The following NMBR variants were observed in gnomAD, a reference collection of about 807,000 sequenced individuals.
The protein encoded by NMBR is neuromedin B receptor.
A neutral mutation model predicts 20.5 loss-of-function variants in NMBR; 16 were observed. The observed-to-expected ratio is 0.78, with a 90% CI of 0.53 to 1.19. NMBR has a LOEUF of 1.19. Among genes scored for constraint, NMBR ranks in the 50% most tolerant of loss-of-function variants. The pLI is 0.00. For missense variants in NMBR, 582 were observed against 499.1 expected, an observed-to-expected ratio of 1.17 and a Z score of -1.58; for synonymous variants, 212 against 196.6, an observed-to-expected ratio of 1.08 and a Z score of -0.65.
At chr6:142,109,953 C>T (rs918791263) in intron 1 of NMBR, among the ~76,000 whole-genome samples, 8 of 152,108 alleles carry the variant, frequency 5.3e-5, no homozygotes, top group South Asian at 4.1e-4. Context: ...ACTTCCCAGA[C>T]TTCAGAACTG....
chr6:142,088,130 A>C, intron 2 of NMBR, 107 bp downstream of exon 2: 2 of 1,149,996 alleles, frequency 1.7e-6, no homozygotes, highest in East Asian at 5.1e-5. Flanking sequence ...CTCCACACCC[A>C]ACCTTTCCTT....
intron 1 of NMBR, among the ~76,000 whole-genome samples, chr6:142,135,844 C>T (rs1164192478): frequency 5.9e-5 from 9 of 151,804 alleles, no homozygotes; most frequent in African/African-American, 1.9e-4. Context: ...TTTATGGCTG[C>T]ATAGTATTCC....
chr6:142,096,743 C>T (rs1379622487), intron 1 of NMBR, among the ~76,000 whole-genome samples: 2 of 151,920 alleles, frequency 1.3e-5, no homozygotes, highest in Admixed American at 1.3e-4. Context: ...CTTTCTGTCT[C>T]GTTGATCTGT....
At chr6:142,134,241 G>T (rs954716900) in intron 1 of NMBR, among the ~76,000 whole-genome samples, 3 of 151,932 alleles carry the variant, frequency 2.0e-5, no homozygotes, top group Admixed American at 2.0e-4. Context: ...ATCTACTAAT[G>T]TTATCATTAT....
At chr6:142,085,103 TCTC>T (rs1777174236) in intron 2 of NMBR, among the ~76,000 whole-genome samples, 2 of 152,136 alleles carry the variant, frequency 1.3e-5, no homozygotes, top group Admixed American at 1.3e-4. Flanking sequence ...ATGCACTGTC[TCTC>T]CTCCAGCCAT....
rs1776937622 is a variant in NMBR at position 142,075,988 on chromosome 6, C to T, written c.833G>A (p.Cys278Tyr). The T allele has an allele frequency of 6.2e-7, 1 of 1,612,004 alleles. No homozygotes were observed. The highest frequency in any genetic ancestry group is 8.5e-7 in the Non-Finnish European group (1 of 1,179,336). ...VLVFVGCFIF[C>Y]WFPNHILYMY... ...GTAAAGGATGTGGTTTGGAAACCAA[C>T]AGAAGATGAAACAGCCCACAAAGAC... Residue 278 changes from cysteine (C) to tyrosine (Y), a missense_variant, in exon 4 of 4, where the codon TGT (cysteine) becomes TAT (tyrosine). Cys to Tyr is a radical substitution (Grantham distance 194). Coordinates refer to ENST00000258042, the MANE Select transcript of NMBR (RefSeq NM_002511.4).
intron 1 of NMBR, 32 bp downstream of exon 1, chr6:142,147,012 A>T: frequency 2.3e-6 from 1 of 427,482 alleles, no homozygotes; most frequent in South Asian, 4.7e-5. Context: ...CCAAACAAAA[A>T]AGCAAAACAA....
At chr6:142,142,259 G>T (rs1269437625) in intron 1 of NMBR, among the ~76,000 whole-genome samples, 1 of 152,176 alleles carries the variant, frequency 6.6e-6, no homozygotes, top group African/African-American at 2.4e-5. Flanking sequence ...TCCACTAAAT[G>T]TTTAAGGAAG....
intron 1 of NMBR, among the ~76,000 whole-genome samples, chr6:142,122,980 T>C (rs1777971378): frequency 6.6e-6 from 1 of 151,906 alleles, no homozygotes; most frequent in East Asian, 1.9e-4. Context: ...AAAGGAGTAA[T>C]TTCAACTTTT....
intron 1 of NMBR, among the ~76,000 whole-genome samples, chr6:142,096,387 T>C (rs1028180443): frequency 1.3e-5 from 2 of 152,238 alleles, no homozygotes; most frequent in Non-Finnish European, 1.5e-5. Flanking sequence ...AACATCTTTA[T>C]TTCTGCCTTC....
chr6:142,079,996 C>A (rs1222682920), intron 2 of NMBR, among the ~76,000 whole-genome samples: 1 of 152,094 alleles, frequency 6.6e-6, no homozygotes, highest in Non-Finnish European at 1.5e-5. Flanking sequence ...TTTTATATTT[C>A]TCTTTAAAGT....
chr6:142,092,379 A>G (rs1199911587), intron 1 of NMBR, among the ~76,000 whole-genome samples: 1 of 152,158 alleles, frequency 6.6e-6, no homozygotes, highest in Non-Finnish European at 1.5e-5. Context: ...CAGAGTCTCT[A>G]TGTAATACTA....
rs545431070 is a variant in NMBR, at chr6:142,074,779, T to C, written c.*869A>G. ...TTAGCAATGTATACTAAGATGGCCA[T>C]GCAAACTTGTGAGTTGTAGCTTTGC... On this transcript the variant is annotated 3_prime_UTR_variant, in exon 4 of 4. Coordinates refer to ENST00000258042, the MANE Select transcript of NMBR (RefSeq NM_002511.4). 6.6e-6 allele frequency among the ~76,000 whole-genome samples: 1 copy of C among 152,276 alleles called. No homozygotes were observed. The highest frequency in any genetic ancestry group is 2.1e-4 in the South Asian group (1 of 4,826).
At chr6:142,129,140 C>T (rs225601) in intron 1 of NMBR, among the ~76,000 whole-genome samples, 58,345 of 150,444 alleles carry the variant, frequency 0.39, 11,946 homozygotes, top group Middle Eastern at 0.53. Flanking sequence ...GTCTTAAATG[C>T]TTTTAATCTC....
chr6:142,095,206 A>C (rs1055624116), intron 1 of NMBR, among the ~76,000 whole-genome samples: 20 of 152,066 alleles, frequency 1.3e-4, no homozygotes, highest in African/African-American at 4.8e-4. Context: ...AGGAGTGGTG[A>C]GAGAGGGCAT....
At chr6:142,126,250 C>CCTCTCTCTCTCTCT (rs145085633) in intron 1 of NMBR, among the ~76,000 whole-genome samples, 1 of 146,758 alleles carries the variant, frequency 6.8e-6, no homozygotes. Flanking sequence ...TAACAATATT[C>CCTCTCTCTCTCTCT]CTCTCTCTCT....
chr6:142,124,065 G>C (rs754323869), intron 1 of NMBR, among the ~76,000 whole-genome samples: 1 of 151,866 alleles, frequency 6.6e-6, no homozygotes, highest in Admixed American at 6.6e-5. Flanking sequence ...AAGCAGTCTA[G>C]CCGAAAAATT....
In NMBR at chr6:142,075,648, T is replaced by C; in HGVS notation, c.1173A>G (p.Ter391TrpextTer59). The change falls in exon 4 of 4, where the codon TGA becomes TGG. Residue 391 changes from the stop codon to tryptophan (W), a stop_lost. Transcript: ENST00000258042. Reference sequence around the variant, plus strand: ...CAGGTAGTGAGTTGAATGGCCAAAATCACAGTGCCATTTCCTGCTTCATGC... The same window carrying C: ...CAGGTAGTGAGTTGAATGGCCAAAACCACAGTGCCATTTCCTGCTTCATGC... ...GHSMKQEMAL[*>W] is the part of the protein sequence containing the mutation. 1 of 1,601,590 alleles carries C rather than the reference T, an allele frequency of 6.2e-7. No homozygotes were observed. The highest frequency in any genetic ancestry group is 8.5e-7 in the Non-Finnish European group (1 of 1,172,946).
rs1011292594 is a variant in NMBR at position 142,130,668 on chromosome 6, T to C, written c.-664+16376A>G. On this transcript the variant is annotated intron_variant, in intron 1 of 3. Coordinates refer to ENST00000258042, the MANE Select transcript of NMBR (RefSeq NM_002511.4). ...TTACTTTGGCTTAAAAGGCCAGATA[T>C]TGGTCAAATTATAAAGAAGATTTCT... 6.6e-5 allele frequency among the ~76,000 whole-genome samples: 10 copies of C among 152,272 alleles called. No homozygotes were observed. In the South Asian group the frequency reaches 2.1e-3, roughly 32 times the overall value.
Sources: gnomAD v4.1 joint callset for allele counts (sites outside exome capture counted in the v4.1 genomes callset) on GRCh38, gnomAD v4.1.1 for gene constraint, MANE v1.5 for transcripts, NCBI Gene and HGNC (gene_info 2026-07-23, HGNC 2026-07-21) for gene names.